IL1RAPL1: variants seen among roughly 807,000 people sequenced by gnomAD.
The protein encoded by IL1RAPL1 is interleukin-1 receptor accessory protein-like 1.
In IL1RAPL1, 3 loss-of-function variants were observed where a neutral mutation model predicts 48.4. The observed-to-expected ratio is 0.06, with a 90% CI of 0.03 to 0.16. IL1RAPL1 has a LOEUF of 0.16. IL1RAPL1 is among the 10% of genes least tolerant of loss of function. The pLI is 1.00. For synonymous variants in IL1RAPL1, 185 were observed against 187.7 expected, an observed-to-expected ratio of 0.99 and a Z score of 0.12; for missense variants, 349 against 530.6, an observed-to-expected ratio of 0.66 and a Z score of 3.36.
intron 2 of IL1RAPL1, among the ~76,000 whole-genome samples, chrX:28,976,317 G>A (rs933428456): frequency 8.1e-5 from 9 of 111,782 alleles, no homozygotes; most frequent in Non-Finnish European, 1.7e-4. Flanking sequence ...CTTGGTTTAT[G>A]ATGGTAGCAG....
intron 2 of IL1RAPL1, among the ~76,000 whole-genome samples, chrX:28,931,131 G>A (rs973563360): frequency 3.6e-5 from 4 of 111,473 alleles, no homozygotes; most frequent in African/African-American, 1.3e-4. Flanking sequence ...ATAAAATCAA[G>A]GAAATGGCTT....
At chrX:29,612,427 G>T (rs1312325421) in intron 5 of IL1RAPL1, among the ~76,000 whole-genome samples, 1 of 109,901 alleles carries the variant, frequency 9.1e-6, no homozygotes, top group African/African-American at 3.3e-5. Flanking sequence ...AAAAAAAAAG[G>T]ATATTAGAAC....
At chrX:29,829,154 CTA>C (rs1491502200) in intron 6 of IL1RAPL1, among the ~76,000 whole-genome samples, 2 of 40,005 alleles carry the variant, frequency 5.0e-5, no homozygotes, top group Non-Finnish European at 8.9e-5. Context: ...GGACAAAAAC[CTA>C]CACACACACA....
At chrX:29,897,060 G>T (rs1304022707) in intron 6 of IL1RAPL1, among the ~76,000 whole-genome samples, 2 of 112,442 alleles carry the variant, frequency 1.8e-5, no homozygotes, top group Middle Eastern at 4.6e-3. Context: ...AGCCTTAGAG[G>T]CTACTAGAGT....
chrX:29,039,067 GT>G (rs1926787255), intron 2 of IL1RAPL1, among the ~76,000 whole-genome samples: 2 of 111,861 alleles, frequency 1.8e-5, no homozygotes, highest in African/African-American at 6.5e-5. Context: ...CTTTTCAAAC[GT>G]TTTGTCTTAC....
intron 2 of IL1RAPL1, among the ~76,000 whole-genome samples, chrX:29,026,406 G>A (rs1231101887): frequency 9.0e-6 from 1 of 110,660 alleles, no homozygotes; most frequent in African/African-American, 3.3e-5. Context: ...CACACACCAG[G>A]GCCAGTTGGG....
chrX:28,875,995 C>T (rs1036234579), intron 2 of IL1RAPL1, among the ~76,000 whole-genome samples: 1 of 111,676 alleles, frequency 9.0e-6, no homozygotes, highest in African/African-American at 3.3e-5. Flanking sequence ...TCTTCTCTTG[C>T]CATGTAATGT....
intron 2 of IL1RAPL1, among the ~76,000 whole-genome samples, chrX:29,173,312 A>C (rs994628074): frequency 3.5e-4 from 39 of 112,279 alleles, no homozygotes; most frequent in African/African-American, 1.2e-3. Flanking sequence ...CTGTTTTAGG[A>C]ATCTCCACAT....
chrX:28,952,394 AACAT>A (rs1924494297), intron 2 of IL1RAPL1, among the ~76,000 whole-genome samples: 1 of 111,591 alleles, frequency 9.0e-6, no homozygotes, highest in African/African-American at 3.2e-5. Flanking sequence ...ATTTAAATGT[AACAT>A]ACATAAGGAC....
chrX:28,708,588 G>T (rs1439505771), intron 1 of IL1RAPL1, among the ~76,000 whole-genome samples: 2 of 111,905 alleles, frequency 1.8e-5, no homozygotes, highest in Non-Finnish European at 3.8e-5. Context: ...TAAAGAAAAT[G>T]TGGTATATAT....
intron 6 of IL1RAPL1, among the ~76,000 whole-genome samples, chrX:29,788,316 A>G (rs1313538550): frequency 8.9e-6 from 1 of 111,840 alleles, no homozygotes; most frequent in African/African-American, 3.2e-5. Flanking sequence ...TCTAGTAAGG[A>G]AACACAGACA....
chrX:29,087,426 G>A (rs185720604), intron 2 of IL1RAPL1, among the ~76,000 whole-genome samples: 1 of 110,868 alleles, frequency 9.0e-6, no homozygotes, highest in Admixed American at 9.6e-5. Flanking sequence ...ATGAGCCACC[G>A]TGCCTGGCCA....
chrX:29,679,192 T>C (rs1033647905), intron 6 of IL1RAPL1, among the ~76,000 whole-genome samples: 4 of 111,806 alleles, frequency 3.6e-5, no homozygotes, highest in African/African-American at 1.3e-4. Flanking sequence ...TAGGAAAATT[T>C]GAGATTATTA....
At chrX:28,907,747 C>A (rs2147330102) in intron 2 of IL1RAPL1, among the ~76,000 whole-genome samples, 1 of 112,211 alleles carries the variant, frequency 8.9e-6, no homozygotes, top group African/African-American at 3.2e-5. Flanking sequence ...TAAGTTAATA[C>A]TGGCCTCTTG....
At chrX:29,101,020 C>T (rs1928325952) in intron 2 of IL1RAPL1, among the ~76,000 whole-genome samples, 1 of 111,689 alleles carries the variant, frequency 9.0e-6, no homozygotes, top group Non-Finnish European at 1.9e-5. Context: ...CTATCAGTAA[C>T]TTAAACTGAT....
At chrX:29,049,572 G>A (rs1014476885) in intron 2 of IL1RAPL1, among the ~76,000 whole-genome samples, 1 of 111,191 alleles carries the variant, frequency 9.0e-6, no homozygotes, top group African/African-American at 3.3e-5. Context: ...AAAACAAACT[G>A]CCCAATCTTA....
intron 6 of IL1RAPL1, among the ~76,000 whole-genome samples, chrX:29,742,476 G>A (rs973374102): frequency 5.5e-5 from 6 of 110,070 alleles, no homozygotes; most frequent in Admixed American, 2.0e-4. Flanking sequence ...GAAAAAACAC[G>A]GCTATGACCC....
At chrX:29,188,908 A>C (rs1248891064) in intron 2 of IL1RAPL1, among the ~76,000 whole-genome samples, 1 of 111,526 alleles carries the variant, frequency 9.0e-6, no homozygotes, top group East Asian at 2.8e-4. Flanking sequence ...ATGTCAGGTC[A>C]TGTCTCCTAA....
intron 1 of IL1RAPL1, among the ~76,000 whole-genome samples, chrX:28,630,041 G>A (rs373645183): frequency 9.3e-4 from 103 of 111,341 alleles, no homozygotes; most frequent in African/African-American, 3.3e-3. Context: ...TTGTCATAGC[G>A]GGGAGCCATA....
Sources: allele counts gnomAD v4.1 joint callset (sites outside exome capture counted in the v4.1 genomes callset), GRCh38; gene constraint gnomAD v4.1.1; transcripts MANE v1.5; gene names NCBI Gene and HGNC (gene_info 2026-07-23, HGNC 2026-07-21).